FMN1: variants seen among roughly 807,000 people sequenced by gnomAD.
FMN1 encodes formin 1.
In FMN1, 110 loss-of-function variants were observed where a neutral mutation model predicts 132.4. That is an observed-to-expected ratio of 0.83 (90% CI 0.71 to 0.97). The LOEUF is 0.97. FMN1 is among the 50% of genes least tolerant of loss of function. The pLI is 0.00. For missense variants in FMN1, 1,792 were observed against 1,705.3 expected, an observed-to-expected ratio of 1.05 and a Z score of -0.90; for synonymous variants, 722 against 651.7, an observed-to-expected ratio of 1.11 and a Z score of -1.64.
chr15:32,838,388 A>G (rs2058673874), intron 17 of FMN1, among the ~76,000 whole-genome samples: 1 of 152,202 alleles, frequency 6.6e-6, no homozygotes, highest in African/African-American at 2.4e-5. Flanking sequence ...CTGGTGCCCG[A>G]TTTCTGTGCA....
chr15:33,130,241 CTA>C (rs1167936205), intron 4 of FMN1, among the ~76,000 whole-genome samples: 2 of 152,276 alleles, frequency 1.3e-5, no homozygotes, highest in African/African-American at 4.8e-5. Flanking sequence ...TTTATTATAA[CTA>C]TTTATGTCAT....
chr15:33,002,860 G>T (rs2034197265), intron 7 of FMN1, among the ~76,000 whole-genome samples: 1 of 152,182 alleles, frequency 6.6e-6, no homozygotes, highest in Admixed American at 6.5e-5. Context: ...ACTGAGGGTT[G>T]TCCATCTGTG....
chr15:33,142,727 C>G lies in FMN1; in HGVS notation c.1867+10321G>C, dbSNP rs140401413. Among the ~76,000 whole-genome samples, 642 of 152,322 alleles carry G rather than the reference C, an allele frequency of 4.2e-3. 4 individuals are homozygous for G. The highest frequency in any genetic ancestry group is 0.014 in the African/African-American group (588 of 41,566). On this transcript the variant is annotated intron_variant, in intron 4 of 20. Coordinates refer to ENST00000616417, the MANE Select transcript of FMN1 (RefSeq NM_001277313.2). ...GCATTATACACAAGTTTTCTAGCAACAGTGCTTACACAGAAGGGAAACTTC... is the reference window on the plus strand; with the variant it reads ...GCATTATACACAAGTTTTCTAGCAAGAGTGCTTACACAGAAGGGAAACTTC...
At chr15:32,916,224 C>G (rs974445068) in intron 10 of FMN1, among the ~76,000 whole-genome samples, 1 of 152,142 alleles carries the variant, frequency 6.6e-6, no homozygotes, top group African/African-American at 2.4e-5. Flanking sequence ...ATTCCCCCTC[C>G]GGGTAAGAGA....
chr15:32,898,784 G>A, intron 15 of FMN1, 50 bp downstream of exon 15: 2 of 1,193,500 alleles, frequency 1.7e-6, no homozygotes, highest in Non-Finnish European at 2.5e-6. Flanking sequence ...ACTTATGAAT[G>A]TCAACAATGA....
intron 16 of FMN1, among the ~76,000 whole-genome samples, chr15:32,861,247 C>T (rs955596887): frequency 3.3e-5 from 5 of 152,172 alleles, no homozygotes; most frequent in African/African-American, 1.2e-4. Flanking sequence ...GTTACTTCTC[C>T]CTGGTGAAAG....
rs557611443 is a variant in FMN1 at position 33,036,741 on chromosome 15, T to C, written c.2161+28216A>G. On this transcript the variant is annotated intron_variant, in intron 6 of 20. Transcript: ENST00000616417. ...TTAAAATTTAATTATTTAATCCATGTAGAGCATTTAGCTCATTTCCAAGGG... is the reference window on the plus strand; with the variant it reads ...TTAAAATTTAATTATTTAATCCATGCAGAGCATTTAGCTCATTTCCAAGGG... Among the ~76,000 whole-genome samples, 7 of 152,352 alleles carry C rather than the reference T, an allele frequency of 4.6e-5. No individual in the cohort carries two copies. In the South Asian group the frequency reaches 1.4e-3, roughly 32 times the overall value.
intron 17 of FMN1, among the ~76,000 whole-genome samples, chr15:32,805,440 A>G (rs1342539940): frequency 6.6e-6 from 1 of 151,966 alleles, no homozygotes; most frequent in Middle Eastern, 3.2e-3. Flanking sequence ...ATTTTCTCCC[A>G]TTCTGTAGGT....
intron 6 of FMN1, among the ~76,000 whole-genome samples, chr15:33,010,968 T>C (rs1016929228): frequency 6.7e-6 from 1 of 149,898 alleles, no homozygotes; most frequent in Non-Finnish European, 1.5e-5. Context: ...AGACTTCATA[T>C]TGTAAAGGTG....
intron 5 of FMN1, among the ~76,000 whole-genome samples, chr15:33,073,595 A>G (rs1407500318): frequency 6.6e-6 from 1 of 152,212 alleles, no homozygotes; most frequent in Admixed American, 6.5e-5. Context: ...AAATTATAAC[A>G]TCATAAGGAG....
chr15:33,115,838 G>C (rs952819088), intron 4 of FMN1, among the ~76,000 whole-genome samples: 6 of 152,128 alleles, frequency 3.9e-5, no homozygotes, highest in Admixed American at 6.6e-5. Context: ...GTGGTCATGA[G>C]ATTTTATTAA....
chr15:33,018,021 C>A (rs1464096477), intron 6 of FMN1, among the ~76,000 whole-genome samples: 1 of 151,250 alleles, frequency 6.6e-6, no homozygotes, highest in African/African-American at 2.4e-5. Flanking sequence ...GCCGAGATCA[C>A]ACCACTGCAC....
At chr15:33,015,971 T>A (rs192317150) in intron 6 of FMN1, among the ~76,000 whole-genome samples, 4 of 152,298 alleles carry the variant, frequency 2.6e-5, no homozygotes, top group African/African-American at 7.2e-5. Flanking sequence ...ATCTTAGAAA[T>A]GCAAATTCTT....
chr15:33,164,692 A>G (rs1965027971), intron 3 of FMN1, among the ~76,000 whole-genome samples: 1 of 152,238 alleles, frequency 6.6e-6, no homozygotes, highest in African/African-American at 2.4e-5. Flanking sequence ...GAGATCCTCA[A>G]CACATCACTG....
intron 4 of FMN1, among the ~76,000 whole-genome samples, chr15:33,091,204 TG>T (rs1286761055): frequency 1.3e-5 from 2 of 152,188 alleles, no homozygotes; most frequent in African/African-American, 4.8e-5. Flanking sequence ...GTCTGGTGAG[TG>T]TAAGTTCATC....
At chr15:32,989,837 T>G (rs2033324423) in intron 7 of FMN1, among the ~76,000 whole-genome samples, 1 of 152,028 alleles carries the variant, frequency 6.6e-6, no homozygotes, top group Non-Finnish European at 1.5e-5. Context: ...AAGCAGAGGG[T>G]GCAGGAGTTG....
At chr15:33,085,779 C>T (rs565923867) in intron 5 of FMN1, among the ~76,000 whole-genome samples, 1 of 152,032 alleles carries the variant, frequency 6.6e-6, no homozygotes, top group Non-Finnish European at 1.5e-5. Context: ...TGTAGTCACG[C>T]TATTTTATTT....
chr15:32,941,522 T>TAC (rs1385775594), intron 9 of FMN1, among the ~76,000 whole-genome samples: 1 of 152,242 alleles, frequency 6.6e-6, no homozygotes, highest in Non-Finnish European at 1.5e-5. Flanking sequence ...AACAGAGCAC[T>TAC]ACTTCAGCTA....
chr15:33,014,059 C>T (rs1007297474), intron 6 of FMN1, among the ~76,000 whole-genome samples: 1 of 152,144 alleles, frequency 6.6e-6, no homozygotes, highest in Non-Finnish European at 1.5e-5. Context: ...CCCAGTGTGA[C>T]GGGTGGCAGG....
Sources: allele counts gnomAD v4.1 joint callset (sites outside exome capture counted in the v4.1 genomes callset), GRCh38; gene constraint gnomAD v4.1.1; transcripts MANE v1.5; gene names NCBI Gene and HGNC (gene_info 2026-07-23, HGNC 2026-07-21).